KIF15: variants seen among roughly 807,000 people sequenced by gnomAD.
KIF15 encodes kinesin-like protein KIF15.
In KIF15, 140 loss-of-function variants were observed where a neutral mutation model predicts 190.6. That is an observed-to-expected ratio of 0.73 (90% CI 0.64 to 0.84). KIF15 has a LOEUF of 0.84. Ranked by LOEUF, KIF15 falls within the 40% of genes least tolerant of loss-of-function variation. The pLI is 0.00. For missense variants in KIF15, 1,372 were observed against 1,584.4 expected, an observed-to-expected ratio of 0.87 and a Z score of 2.28; for synonymous variants, 528 against 551.3, an observed-to-expected ratio of 0.96 and a Z score of 0.59.
In KIF15 at chr3:44,807,032, C is replaced by T. The variant is rs189136854; in HGVS notation, c.1971+1046C>T. On this transcript the variant is annotated intron_variant, in intron 16 of 34. Transcript: ENST00000326047. ...GTGCTAGGATTACAGGCAAGAGCCACTGCGCTGGCCTCAAGTTCTTTTCAA... is the reference window on the plus strand; with the variant it reads ...GTGCTAGGATTACAGGCAAGAGCCATTGCGCTGGCCTCAAGTTCTTTTCAA... 6.9e-4 allele frequency among the ~76,000 whole-genome samples: 105 copies of T among 152,256 alleles called. 1 individual carries two copies. The East Asian group carries it at 0.018, about 26-fold the overall frequency.
chr3:44,840,340 G>A lies in KIF15; in HGVS notation c.3319-15G>A, dbSNP rs1489294896. 2 of 1,518,088 alleles carry A rather than the reference G, an allele frequency of 1.3e-6. No homozygotes were observed. The highest frequency in any genetic ancestry group is 1.8e-5 in the Admixed American group (1 of 55,250). 94.0% of individuals were successfully genotyped at this position (1,518,088 alleles called of 1,614,324 possible). A position where few individuals can be genotyped will look rare whatever the true frequency, so the allele number is the denominator to read the frequency against. On this transcript the variant is annotated splice_polypyrimidine_tract_variant and intron_variant, in intron 27 of 34. Coordinates refer to ENST00000326047, the MANE Select transcript of KIF15 (RefSeq NM_020242.3). ...ATTACTAAGTTGTAACCTTGTATCT[G>A]TTCAATTTTCCCAGCTAAACCAAAA...
intron 20 of KIF15, among the ~76,000 whole-genome samples, chr3:44,822,101 G>A (rs1194944697): frequency 3.3e-5 from 5 of 152,176 alleles, no homozygotes; most frequent in South Asian, 2.1e-4. Context: ...TCCTAGCGTC[G>A]ATGGTCTTTA....
intron 25 of KIF15, among the ~76,000 whole-genome samples, chr3:44,830,375 G>T (rs1031615378): frequency 6.6e-6 from 1 of 152,208 alleles, no homozygotes; most frequent in Non-Finnish European, 1.5e-5. Context: ...ATAAGAAACA[G>T]GCTGGTTGCT....
chr3:44,790,393 G>A (rs1706629642), intron 7 of KIF15, among the ~76,000 whole-genome samples: 1 of 151,878 alleles, frequency 6.6e-6, no homozygotes, highest in Non-Finnish European at 1.5e-5. Context: ...TGGCCGGGCT[G>A]GTCTTTACAC....
intron 14 of KIF15, among the ~76,000 whole-genome samples, 163 bp downstream of exon 14, chr3:44,803,154 T>C (rs1397156103): frequency 6.6e-6 from 1 of 152,182 alleles, no homozygotes; most frequent in Non-Finnish European, 1.5e-5. Context: ...TTACTAAACT[T>C]TTCTTTTTCT....
chr3:44,814,879 C>T, intron 19 of KIF15, 32 bp from the exon 20 acceptor site: 7 of 1,529,392 alleles, frequency 4.6e-6, no homozygotes, highest in Non-Finnish European at 6.1e-6. Context: ...CTTTAAGAAA[C>T]CTACTGAGGA....
chr3:44,768,102 C>T (rs1416343562), intron 1 of KIF15, among the ~76,000 whole-genome samples: 1 of 151,336 alleles, frequency 6.6e-6, no homozygotes, highest in Non-Finnish European at 1.5e-5. Context: ...GGTGAAACAC[C>T]GTCTCTACTA....
chr3:44,773,895 G>A (rs559817753), intron 1 of KIF15, among the ~76,000 whole-genome samples: 7 of 152,080 alleles, frequency 4.6e-5, no homozygotes, highest in African/African-American at 1.4e-4. Context: ...TTAAAAGAAC[G>A]CTCTCAATGA....
chr3:44,808,209 G>A (rs1707608765), intron 16 of KIF15, among the ~76,000 whole-genome samples: 1 of 152,170 alleles, frequency 6.6e-6, no homozygotes, highest in Non-Finnish European at 1.5e-5. Flanking sequence ...TTATAATTCT[G>A]TGTCTGTAGC....
chr3:44,823,797 G>A (rs750104916), intron 20 of KIF15, among the ~76,000 whole-genome samples: 4 of 152,162 alleles, frequency 2.6e-5, no homozygotes, highest in South Asian at 2.1e-4. Context: ...GTGAGGCTCC[G>A]TGGGCGTGGG....
chr3:44,867,801 TTTC>T (rs1233445472), intron 6 of KIF15, among the ~76,000 whole-genome samples: 1 of 152,248 alleles, frequency 6.6e-6, no homozygotes, highest in Non-Finnish European at 1.5e-5. Flanking sequence ...CTGTATTTAT[TTTC>T]CTCATTTCAG....
At chr3:44,850,258 C>T (rs1463115655) in intron 32 of KIF15, among the ~76,000 whole-genome samples, 1 of 152,140 alleles carries the variant, frequency 6.6e-6, no homozygotes. Flanking sequence ...TCAGAGTATA[C>T]ATAGGAAAAC....
At chr3:44,812,975 A>ACT (rs1170277466) in intron 18 of KIF15, 100 bp from the exon 19 acceptor site, 1 of 683,806 alleles carries the variant, frequency 1.5e-6, no homozygotes, top group Non-Finnish European at 2.4e-6. Flanking sequence ...ACAGAGCAAG[A>ACT]CTCTGTCTCA....
intron 26 of KIF15, among the ~76,000 whole-genome samples, chr3:44,837,952 G>A (rs972337941): frequency 2.0e-5 from 3 of 152,256 alleles, no homozygotes; most frequent in Non-Finnish European, 2.9e-5. Flanking sequence ...GTAACCAAGA[G>A]ACCTTTGAGT....
chr3:44,809,213 TA>T (rs2125652982), intron 16 of KIF15, among the ~76,000 whole-genome samples: 1 of 152,384 alleles, frequency 6.6e-6, no homozygotes, highest in South Asian at 2.1e-4. Context: ...CTCATTTCTC[TA>T]ATTTCAAATA....
At chr3:44,867,832 T>C (rs1699337451) in intron 6 of KIF15, among the ~76,000 whole-genome samples, 1 of 152,248 alleles carries the variant, frequency 6.6e-6, no homozygotes. Flanking sequence ...TTGATAAGAA[T>C]AAACTATATC....
intron 29 of KIF15, among the ~76,000 whole-genome samples, chr3:44,842,800 C>T (rs530639864): frequency 1.3e-5 from 2 of 152,232 alleles, no homozygotes; most frequent in South Asian, 2.1e-4. Flanking sequence ...TTAGAATCTA[C>T]GTAATAAATA....
chr3:44,799,502 C>T (rs757890007), intron 10 of KIF15, among the ~76,000 whole-genome samples: 4 of 151,578 alleles, frequency 2.6e-5, no homozygotes, highest in Non-Finnish European at 5.9e-5. Flanking sequence ...TGTTGGCACT[C>T]GTTATCACCC....
In KIF15 at chr3:44,829,306, G is replaced by A. The variant is rs568036245; in HGVS notation, c.2944-665G>A. 2.8e-3 allele frequency among the ~76,000 whole-genome samples: 413 copies of A among 149,634 alleles called. 2 individuals carry two copies. The highest frequency in any genetic ancestry group is 9.6e-3 in the African/African-American group (389 of 40,656). ...CGGGAGGCGGAGCTTGCAGTGAGCC[G>A]AGATCGCGCCACTGCACTCCAGCCT... On this transcript the variant is annotated intron_variant, in intron 24 of 34. Transcript: ENST00000326047.
Sources: gnomAD v4.1 joint callset for allele counts (sites outside exome capture counted in the v4.1 genomes callset) on GRCh38, gnomAD v4.1.1 for gene constraint, MANE v1.5 for transcripts, NCBI Gene and HGNC (gene_info 2026-07-23, HGNC 2026-07-21) for gene names.